The following DPY19L3 variants were observed in gnomAD, a reference collection of about 807,000 sequenced individuals.
DPY19L3 encodes protein C-mannosyl-transferase DPY19L3.
Under a neutral mutation model 92.3 loss-of-function variants are expected in DPY19L3, and 51 were observed. The ratio of observed to expected loss-of-function variants is 0.55; its 90% CI spans 0.44 to 0.70. The LOEUF is 0.70. Among genes scored for constraint, DPY19L3 ranks in the 30% least tolerant of loss-of-function variants. The pLI, the probability that DPY19L3 is intolerant of heterozygous loss-of-function variation, is 0.00. For synonymous variants in DPY19L3, 309 were observed against 315.2 expected (o/e 0.98, Z 0.21); for missense variants, 706 against 855.9 (o/e 0.82, Z 2.18).
intron 3 of DPY19L3, among the ~76,000 whole-genome samples, chr19:32,428,429 A>T (rs1176035403): frequency 6.6e-6 from 1 of 152,060 alleles, no homozygotes; most frequent in Non-Finnish European, 1.5e-5. Flanking sequence ...GAGAGATTGT[A>T]CTCAACTTCT....
At position 32,452,856 on chromosome 19, in the gene DPY19L3, G is replaced by A. The variant is rs531540151; in HGVS notation, c.856-289G>A. ...TCACAGGCACGAGCCACCACGCCTA[G>A]CTAATTTTTTTTTTTTTTTTTGTAT... On this transcript the variant is annotated intron_variant, in intron 8 of 18. Transcript: ENST00000392250. Among the ~76,000 whole-genome samples, 3 of 135,324 alleles carry A rather than the reference G, an allele frequency of 2.2e-5. No homozygotes were observed. The East Asian group carries it at 6.0e-4, about 27-fold the overall frequency. The allele number at this position is 135,324 out of a possible 152,430, so 88.8% of individuals were successfully genotyped here.
chr19:32,439,374 A>G, intron 7 of DPY19L3, 139 bp downstream of exon 7: 1 of 954,146 alleles, frequency 1.0e-6, no homozygotes, highest in African/African-American at 1.6e-5. Flanking sequence ...AGTTAAATTA[A>G]GTTTTCTTTT....
At position 32,408,266 on chromosome 19, in the gene DPY19L3, C is replaced by A; in HGVS notation, c.13C>A (p.Arg5=). ...TAAGTCTGACATCATGATGTCCATCCGGCAAAGAAGAGAAATAAGAGCCAC... is the reference window on the plus strand; with the variant it reads ...TAAGTCTGACATCATGATGTCCATCAGGCAAAGAAGAGAAATAAGAGCCAC... The part of the protein sequence containing the change: MMSI[R]QRREIRATEV... The change falls in exon 2 of 19, where the codon CGG becomes AGG. Residue 5 remains arginine, a synonymous_variant. Transcript: ENST00000392250. 1 of 1,612,226 alleles carries A rather than the reference C, an allele frequency of 6.2e-7. No homozygotes were observed. The highest frequency in any genetic ancestry group is 8.5e-7 in the Non-Finnish European group (1 of 1,179,510).
At chr19:32,451,675 C>G (rs1040282107) in intron 8 of DPY19L3, among the ~76,000 whole-genome samples, 2 of 152,198 alleles carry the variant, frequency 1.3e-5, no homozygotes, top group Non-Finnish European at 2.9e-5. Context: ...TAAGTGTCCA[C>G]TCTTTATTAG....
At chr19:32,416,309 T>C (rs986393705) in intron 3 of DPY19L3, among the ~76,000 whole-genome samples, 1 of 152,312 alleles carries the variant, frequency 6.6e-6, no homozygotes, top group Non-Finnish European at 1.5e-5. Context: ...GGTGGATGGA[T>C]GGACATGCCA....
At chr19:32,441,255 G>A (rs1969313876) in intron 8 of DPY19L3, among the ~76,000 whole-genome samples, 1 of 152,140 alleles carries the variant, frequency 6.6e-6, no homozygotes, top group Non-Finnish European at 1.5e-5. Flanking sequence ...AACTGGAAAT[G>A]ACTTGAGCCA....
chr19:32,474,144 A>G (rs11084651), intron 16 of DPY19L3, among the ~76,000 whole-genome samples: 87,656 of 152,118 alleles, frequency 0.58, 25,769 homozygotes, highest in Non-Finnish European at 0.64. Flanking sequence ...ATGAGGATAT[A>G]TGTATTTTAC....
chr19:32,415,644 G>A (rs1174202116), intron 3 of DPY19L3, among the ~76,000 whole-genome samples: 1 of 152,162 alleles, frequency 6.6e-6, no homozygotes, highest in Admixed American at 6.5e-5. Flanking sequence ...AATGGATTTG[G>A]GGAGAGCAAA....
At chr19:32,455,076 T>C (rs1388938256) in intron 10 of DPY19L3, 36 bp downstream of exon 10, 17 of 1,296,084 alleles carry the variant, frequency 1.3e-5, no homozygotes, top group Non-Finnish European at 1.6e-5. Context: ...AATGTATTTT[T>C]AATTAACTTA....
chr19:32,459,002 G>C (rs902208312), intron 12 of DPY19L3, among the ~76,000 whole-genome samples: 13 of 152,066 alleles, frequency 8.5e-5, no homozygotes, highest in Admixed American at 2.6e-4. Flanking sequence ...TCCTCTAGCT[G>C]CTTTTTTGTA....
At chr19:32,447,786 G>GATACTCCACTA (rs1969555505) in intron 8 of DPY19L3, among the ~76,000 whole-genome samples, 1 of 136,130 alleles carries the variant, frequency 7.3e-6, no homozygotes, top group Non-Finnish European at 1.6e-5. Context: ...GATTAGATAA[G>GATACTCCACTA]ATACTCCATC....
chr19:32,458,585 AAGTC>A lies in DPY19L3; in HGVS notation c.1322+79_1322+82del, dbSNP rs200163515. ...TGTTGCAGAAAAATTGCAAAGTTGA[AAGTC>A]AGAATATCAGACACAAGTAATAGTA... On this transcript the variant is annotated intron_variant, in intron 12 of 18. Coordinates refer to ENST00000392250, the MANE Select transcript of DPY19L3 (RefSeq NM_001172774.2). The A allele has an allele frequency of 1.2e-3, 1,763 of 1,431,196 alleles. 15 individuals are homozygous for A. In the African/African-American group the frequency reaches 0.022, roughly 18 times the overall value. 88.7% of individuals were successfully genotyped at this position (1,431,196 alleles called of 1,614,324 possible).
intron 3 of DPY19L3, among the ~76,000 whole-genome samples, chr19:32,418,465 G>A (rs1322916886): frequency 1.3e-5 from 2 of 152,176 alleles, no homozygotes; most frequent in African/African-American, 4.8e-5. Context: ...ACTTGAAATG[G>A]GGTAGTACAC....
intron 1 of DPY19L3, 56 bp from the exon 2 acceptor site, chr19:32,408,161 A>T (rs1390741542): frequency 4.7e-6 from 4 of 845,142 alleles, no homozygotes; most frequent in Non-Finnish European, 7.8e-6. Context: ...ATGGATGAGC[A>T]CGGGGTGTGT....
At chr19:32,453,672 C>T (rs1969778348) in intron 9 of DPY19L3, among the ~76,000 whole-genome samples, 2 of 151,970 alleles carry the variant, frequency 1.3e-5, no homozygotes, top group East Asian at 3.9e-4. Flanking sequence ...TGGTGGATAC[C>T]CTGTTATTTG....
intron 3 of DPY19L3, among the ~76,000 whole-genome samples, chr19:32,416,480 G>A (rs1201694828): frequency 6.6e-6 from 1 of 152,210 alleles, no homozygotes. Context: ...GCCCCCCCAG[G>A]CAACCCTCAC....
chr19:32,440,940 G>A (rs1478344742), intron 8 of DPY19L3, among the ~76,000 whole-genome samples: 2 of 152,018 alleles, frequency 1.3e-5, no homozygotes, highest in Admixed American at 6.6e-5. Flanking sequence ...AGGGGTGGGG[G>A]CAGAATAGGA....
chr19:32,445,295 G>T (rs1969454152), intron 8 of DPY19L3, among the ~76,000 whole-genome samples: 2 of 151,580 alleles, frequency 1.3e-5, no homozygotes. Context: ...CAAAAAATTA[G>T]CCAGGCATGG....
Position 32,480,460 on chromosome 19 carries a change from G to T in DPY19L3, c.1892G>T (p.Gly631Val). ...EEVHALLRSF[G>V]TDYVILEDSI... The stretch of plus-strand genomic sequence containing the variant: ...GTGCATGCCCTCCTAAGGTCCTTCG[G>T]CACTGACTACGTAATCCTGGAAGAC... The change falls in exon 18 of 19, where the codon GGC becomes GTC. Residue 631 changes from glycine (G) to valine (V), a missense_variant. Gly to Val is a moderately radical substitution (Grantham distance 109). Transcript: ENST00000392250. The T allele has an allele frequency of 1.2e-6, 2 of 1,614,188 alleles. No homozygotes were observed. Among genetic ancestry groups the T allele is most frequent in the Non-Finnish European group, 1.7e-6 (2 of 1,180,020 alleles).
Sources: gnomAD v4.1 joint callset for allele counts (sites outside exome capture counted in the v4.1 genomes callset) on GRCh38, gnomAD v4.1.1 for gene constraint, MANE v1.5 for transcripts, NCBI Gene and HGNC (gene_info 2026-07-23, HGNC 2026-07-21) for gene names.